Variants in JAZF1 observed in about 807,000 individuals in gnomAD.
JAZF1 encodes the protein juxtaposed with another zinc finger protein 1.
In JAZF1, 8 loss-of-function variants were observed where a neutral mutation model predicts 26.4. The observed-to-expected ratio is 0.30, with a 90% CI of 0.18 to 0.55. The LOEUF (loss-of-function observed/expected upper bound fraction) is 0.55. JAZF1 is among the 20% of genes least tolerant of loss of function. The pLI is 0.94. For missense variants in JAZF1, 199 were observed against 322.0 expected (o/e 0.62, Z 2.92); for synonymous variants, 126 against 122.3 (o/e 1.03, Z -0.20).
chr7:27,886,363 T>G (rs2128340413), intron 3 of JAZF1, among the ~76,000 whole-genome samples: 1 of 152,286 alleles, frequency 6.6e-6, no homozygotes, highest in East Asian at 1.9e-4. Flanking sequence ...CAGAAAACTC[T>G]AGATTTGCAT....
At position 27,992,154 on chromosome 7, in the gene JAZF1, CAA is replaced by C. The variant is rs554133826; in HGVS notation, c.116-175_116-174del. 3.1e-4 allele frequency: 211 copies of C among 676,430 alleles called. 2 individuals are homozygous for C. In the African/African-American group the frequency reaches 3.4e-3, roughly 11 times the overall value. 41.9% of individuals were successfully genotyped at this position (676,430 alleles called of 1,614,324 possible). On this transcript the variant is annotated intron_variant, in intron 1 of 4. Coordinates refer to ENST00000283928, the MANE Select transcript of JAZF1 (RefSeq NM_175061.4). ...CATTTGTTCATTCATTCATAAATAA[CAA>C]GATATTGCATTACTTTTCAAGGGAA...
intron 1 of JAZF1, among the ~76,000 whole-genome samples, chr7:27,993,308 A>G (rs1785942101): frequency 6.6e-6 from 1 of 152,174 alleles, no homozygotes; most frequent in Non-Finnish European, 1.5e-5. Flanking sequence ...GGCACTGCAA[A>G]TGAGAACAGA....
chr7:28,157,410 C>A (rs1783204330), intron 1 of JAZF1, among the ~76,000 whole-genome samples: 1 of 152,236 alleles, frequency 6.6e-6, no homozygotes, highest in African/African-American at 2.4e-5. Context: ...CAAAAGCAGT[C>A]ACAGACGGTA....
chr7:27,854,138 CT>C (rs1424187696), intron 3 of JAZF1, among the ~76,000 whole-genome samples: 1 of 152,164 alleles, frequency 6.6e-6, no homozygotes, highest in African/African-American at 2.4e-5. Flanking sequence ...CCTTCTTTGT[CT>C]TTTTTGATCT....
intron 1 of JAZF1, among the ~76,000 whole-genome samples, chr7:28,180,139 C>G (rs1464161010): frequency 3.7e-5 from 5 of 135,900 alleles, no homozygotes; most frequent in African/African-American, 1.6e-4. Context: ...CACTCGGCCC[C>G]GCCGCCGCAA....
At chr7:28,124,546 C>G (rs1782667144) in intron 1 of JAZF1, among the ~76,000 whole-genome samples, 1 of 152,168 alleles carries the variant, frequency 6.6e-6, no homozygotes, top group Admixed American at 6.5e-5. Flanking sequence ...AGGCTCAAAG[C>G]CACAGAGGGG....
At chr7:28,165,428 T>C (rs1783353559) in intron 1 of JAZF1, among the ~76,000 whole-genome samples, 1 of 152,060 alleles carries the variant, frequency 6.6e-6, no homozygotes, top group South Asian at 2.1e-4. Flanking sequence ...TTTGAGCTAT[T>C]TGAATGTTAT....
intron 2 of JAZF1, among the ~76,000 whole-genome samples, chr7:27,947,658 C>T (rs1246626921): frequency 1.3e-5 from 2 of 152,204 alleles, no homozygotes; most frequent in Non-Finnish European, 2.9e-5. Flanking sequence ...TAGTGAATTT[C>T]TCCTGTTTTT....
At chr7:28,114,836 G>T (rs531221000) in intron 1 of JAZF1, among the ~76,000 whole-genome samples, 1 of 151,850 alleles carries the variant, frequency 6.6e-6, no homozygotes, top group African/African-American at 2.4e-5. Flanking sequence ...AAGGTGCCAC[G>T]TGAACGGGGC....
At chr7:28,069,610 A>C (rs1783942499) in intron 1 of JAZF1, among the ~76,000 whole-genome samples, 1 of 152,192 alleles carries the variant, frequency 6.6e-6, no homozygotes, top group Non-Finnish European at 1.5e-5. Flanking sequence ...TACCAGGTTC[A>C]AAGGGCAGAA....
intron 1 of JAZF1, among the ~76,000 whole-genome samples, chr7:28,029,355 G>A (rs1365031636): frequency 6.6e-6 from 1 of 152,194 alleles, no homozygotes; most frequent in African/African-American, 2.4e-5. Context: ...CGAAACAATG[G>A]AATCAAGATA....
rs76204280 is a variant in JAZF1 at position 27,907,552 on chromosome 7, C to T, written c.189-12136G>A. Among the ~76,000 whole-genome samples, 745 of 152,224 alleles carry T rather than the reference C, an allele frequency of 4.9e-3. 9 individuals carry two copies. The highest frequency in any genetic ancestry group is 0.017 in the African/African-American group (701 of 41,548). On this transcript the variant is annotated intron_variant, in intron 2 of 4. Coordinates refer to ENST00000283928, the MANE Select transcript of JAZF1 (RefSeq NM_175061.4). ...AAGTGCTTCTCTGATGTTGCATGGC[C>T]TTATCCTTAGGTGAATTCTTCTGAC...
intron 3 of JAZF1, among the ~76,000 whole-genome samples, chr7:27,878,289 A>G (rs1163367923): frequency 6.6e-6 from 1 of 152,208 alleles, no homozygotes; most frequent in Non-Finnish European, 1.5e-5. Context: ...TGAAGAGATG[A>G]GCCTAGATCA....
chr7:27,989,479 G>A (rs540871002), intron 2 of JAZF1, among the ~76,000 whole-genome samples: 42 of 152,182 alleles, frequency 2.8e-4, no homozygotes, highest in African/African-American at 5.5e-4. Flanking sequence ...AGAAACTACC[G>A]TCAGAGTGAA....
At chr7:27,949,719 TGCCATTGCACTCTACCCCAG>T (rs1412202913) in intron 2 of JAZF1, among the ~76,000 whole-genome samples, 1 of 152,200 alleles carries the variant, frequency 6.6e-6, no homozygotes, top group Non-Finnish European at 1.5e-5. Context: ...GCCGAAATTG[TGCCATTGCACTCTACCCCAG>T]GCAACGGAGC....
chr7:28,169,737 T>A (rs572709587), intron 1 of JAZF1, among the ~76,000 whole-genome samples: 6 of 152,314 alleles, frequency 3.9e-5, no homozygotes, highest in African/African-American at 1.2e-4. Context: ...TGCTTATTTA[T>A]GCCTATTACC....
intron 1 of JAZF1, among the ~76,000 whole-genome samples, chr7:28,113,289 G>C (rs1784691803): frequency 6.6e-6 from 1 of 152,186 alleles, no homozygotes; most frequent in Non-Finnish European, 1.5e-5. Context: ...GAGGCAGAGT[G>C]AATCCTCATG....
At chr7:28,015,036 T>TGTGC (rs896395664) in intron 1 of JAZF1, among the ~76,000 whole-genome samples, 4 of 135,152 alleles carry the variant, frequency 3.0e-5, no homozygotes, top group Non-Finnish European at 6.1e-5. Flanking sequence ...AGTGTGTATG[T>TGTGC]GTGTGTGTGT....
chr7:27,855,256 G>T (rs1395321473), intron 3 of JAZF1, among the ~76,000 whole-genome samples: 1 of 151,948 alleles, frequency 6.6e-6, no homozygotes, highest in Non-Finnish European at 1.5e-5. Context: ...AGCACTAAAT[G>T]CCCACAAGAG....
Sources: gnomAD v4.1 joint callset for allele counts (sites outside exome capture counted in the v4.1 genomes callset) on GRCh38, gnomAD v4.1.1 for gene constraint, MANE v1.5 for transcripts, NCBI Gene and HGNC (gene_info 2026-07-23, HGNC 2026-07-21) for gene names.